Variants in NEGR1 observed in about 807,000 individuals in gnomAD.
The protein encoded by NEGR1 is IgLON family member 4.
Under a neutral mutation model 40.9 loss-of-function variants are expected in NEGR1, and 10 were observed. That is an observed-to-expected ratio of 0.24 (90% confidence interval 0.15 to 0.42). The LOEUF (loss-of-function observed/expected upper bound fraction) is 0.42, where lower values mean the gene tolerates loss of function less well. Ranked by LOEUF, NEGR1 falls within the 10% of genes least tolerant of loss-of-function variation. The probability of loss-of-function intolerance (pLI) is 1.00; values close to 1 mark genes in which losing one functional copy is unlikely to be tolerated. For missense variants in NEGR1, 352 were observed against 438.9 expected (o/e 0.80, Z 1.77); for synonymous variants, 185 against 166.8 (o/e 1.11, Z -0.84).
intron 6 of NEGR1, among the ~76,000 whole-genome samples, chr1:71,580,346 T>C (rs976786661): frequency 1.3e-5 from 2 of 151,556 alleles, no homozygotes; most frequent in Non-Finnish European, 2.9e-5. Flanking sequence ...TTGGGAGATA[T>C]ACCTAATGCT....
intron 1 of NEGR1, among the ~76,000 whole-genome samples, chr1:72,199,446 A>G (rs1364591841): frequency 6.6e-6 from 1 of 152,032 alleles, no homozygotes; most frequent in Non-Finnish European, 1.5e-5. Flanking sequence ...AAGTGGAGAA[A>G]TTGAGATTGT....
chr1:71,898,998 A>AG (rs1661068488), intron 2 of NEGR1, among the ~76,000 whole-genome samples: 1 of 79,584 alleles, frequency 1.3e-5, no homozygotes, highest in Non-Finnish European at 3.0e-5. Flanking sequence ...ATATATATAT[A>AG]TATATATATA....
intron 1 of NEGR1, among the ~76,000 whole-genome samples, chr1:72,157,979 C>A (rs962654755): frequency 6.6e-6 from 1 of 152,136 alleles, no homozygotes; most frequent in Non-Finnish European, 1.5e-5. Flanking sequence ...AAATCTCTCC[C>A]ATTTTCACCA....
At chr1:71,925,734 A>G (rs886967696) in intron 2 of NEGR1, among the ~76,000 whole-genome samples, 30 of 152,168 alleles carry the variant, frequency 2.0e-4, no homozygotes, top group Non-Finnish European at 3.7e-4. Flanking sequence ...TTGGGAAAAA[A>G]AAAAAGAAAA....
intron 1 of NEGR1, among the ~76,000 whole-genome samples, chr1:72,108,687 A>G (rs1195934143): frequency 6.6e-6 from 1 of 151,636 alleles, no homozygotes; most frequent in Non-Finnish European, 1.5e-5. Context: ...ACGGGAGATT[A>G]TAATAGACCT....
chr1:71,711,712 C>T (rs1654098423), intron 3 of NEGR1, among the ~76,000 whole-genome samples: 1 of 152,104 alleles, frequency 6.6e-6, no homozygotes, highest in Non-Finnish European at 1.5e-5. Context: ...CTGACAATTG[C>T]TAAAAACTGG....
chr1:72,221,407 C>A (rs562932253), intron 1 of NEGR1, among the ~76,000 whole-genome samples: 37 of 152,044 alleles, frequency 2.4e-4, no homozygotes, highest in South Asian at 4.2e-4. Context: ...TTATCTAAAT[C>A]TCGGATGATT....
At chr1:71,520,866 T>C (rs548303531) in intron 6 of NEGR1, among the ~76,000 whole-genome samples, 1 of 152,076 alleles carries the variant, frequency 6.6e-6, no homozygotes, top group African/African-American at 2.4e-5. Context: ...CAAGTTACCC[T>C]GCTTTTACTT....
intron 2 of NEGR1, among the ~76,000 whole-genome samples, chr1:71,932,576 C>T (rs1421406144): frequency 1.3e-5 from 2 of 151,972 alleles, no homozygotes; most frequent in African/African-American, 4.8e-5. Flanking sequence ...TAATATATCC[C>T]CTTTTTATCC....
chr1:72,023,967 A>G (rs1336985260), intron 1 of NEGR1, among the ~76,000 whole-genome samples: 1 of 152,148 alleles, frequency 6.6e-6, no homozygotes, highest in Non-Finnish European at 1.5e-5. Flanking sequence ...ACTGGAGTGT[A>G]TATCTTTTAC....
chr1:71,438,743 C>G (rs937962447), intron 6 of NEGR1, among the ~76,000 whole-genome samples: 3 of 152,130 alleles, frequency 2.0e-5, no homozygotes, highest in Admixed American at 6.5e-5. Flanking sequence ...CACAGACTAT[C>G]GAAAGTGAGA....
intron 1 of NEGR1, among the ~76,000 whole-genome samples, chr1:72,069,065 A>G (rs1647354767): frequency 6.6e-6 from 1 of 152,114 alleles, no homozygotes; most frequent in Non-Finnish European, 1.5e-5. Flanking sequence ...ATAATTAAAT[A>G]TCAACCTAAA....
chr1:72,093,361 A>C (rs1648570342), intron 1 of NEGR1, among the ~76,000 whole-genome samples: 1 of 149,642 alleles, frequency 6.7e-6, no homozygotes, highest in South Asian at 2.1e-4. Flanking sequence ...AAATGTTAGA[A>C]TAAACAGCAA....
chr1:71,580,201 C>A (rs902687555), intron 6 of NEGR1, among the ~76,000 whole-genome samples: 2 of 151,052 alleles, frequency 1.3e-5, no homozygotes, highest in Non-Finnish European at 2.9e-5. Flanking sequence ...GTAAACTATC[C>A]CAAGAACAAA....
intron 1 of NEGR1, among the ~76,000 whole-genome samples, chr1:72,243,623 A>G (rs1168272868): frequency 2.6e-5 from 4 of 151,842 alleles, no homozygotes; most frequent in African/African-American, 4.8e-5. Flanking sequence ...GTTCATTAAT[A>G]AAGTTTTTTC....
At chr1:71,899,727 G>C (rs547049232) in intron 2 of NEGR1, among the ~76,000 whole-genome samples, 2 of 152,078 alleles carry the variant, frequency 1.3e-5, no homozygotes, top group African/African-American at 4.8e-5. Flanking sequence ...AGTTGGGAAT[G>C]ACTCTGTTTT....
intron 4 of NEGR1, among the ~76,000 whole-genome samples, chr1:71,631,307 T>C (rs973563981): frequency 6.6e-6 from 1 of 151,836 alleles, no homozygotes; most frequent in Non-Finnish European, 1.5e-5. Context: ...ATAGAGAGCC[T>C]GATATCAGAT....
chr1:71,774,054 T>A (rs745371569), intron 3 of NEGR1, among the ~76,000 whole-genome samples: 2 of 152,212 alleles, frequency 1.3e-5, no homozygotes, highest in Non-Finnish European at 1.5e-5. Flanking sequence ...GAAAGATGAT[T>A]AAGAATCAGC....
intron 3 of NEGR1, among the ~76,000 whole-genome samples, chr1:71,704,959 C>T (rs1350910674): frequency 6.8e-6 from 1 of 146,036 alleles, no homozygotes; most frequent in Non-Finnish European, 1.5e-5. Context: ...ATTGTGTTAC[C>T]AAAAAAAAAA....
Sources: gnomAD v4.1 joint callset for allele counts (sites outside exome capture counted in the v4.1 genomes callset) on GRCh38, gnomAD v4.1.1 for gene constraint, MANE v1.5 for transcripts, NCBI Gene and HGNC (gene_info 2026-07-23, HGNC 2026-07-21) for gene names.